The following IBA57 variants were observed in gnomAD, a reference collection of about 807,000 sequenced individuals.
IBA57 encodes the protein iron-sulfur cluster assembly factor IBA57, also known as iron-sulfur cluster assembly factor IBA57, mitochondrial.
In IBA57, 20 loss-of-function variants were observed where a neutral mutation model predicts 20.4. The ratio of observed to expected loss-of-function variants is 0.98; its 90% CI spans 0.69 to 1.42. The LOEUF (loss-of-function observed/expected upper bound fraction) is 1.42, where lower values mean the gene tolerates loss of function less well. Among genes scored for constraint, IBA57 ranks in the 40% most tolerant of loss-of-function variants. The probability of loss-of-function intolerance (pLI) is 0.00; values close to 1 mark genes in which losing one functional copy is unlikely to be tolerated. For missense variants in IBA57, 608 were observed against 499.3 expected (o/e 1.22, Z -2.07); for synonymous variants, 310 against 233.9 (o/e 1.33, Z -2.97).
intron 1 of IBA57, among the ~76,000 whole-genome samples, chr1:228,169,466 C>G (rs1371636322): frequency 6.6e-6 from 1 of 152,166 alleles, no homozygotes; most frequent in African/African-American, 2.4e-5. Flanking sequence ...GCAGAATGTG[C>G]AGAGATTTCC....
Position 228,175,804 on chromosome 1 carries a change from G to T in IBA57, c.*291G>T, listed in dbSNP as rs1406850884. On this transcript the variant is annotated 3_prime_UTR_variant, in exon 3 of 3. Transcript: ENST00000366711. ...CCCAATCGTGGCTCCACACAGGGTTGTCTGGGAGGACGGGACGGTGTCTCT... is the reference window on the plus strand; with the variant it reads ...CCCAATCGTGGCTCCACACAGGGTTTTCTGGGAGGACGGGACGGTGTCTCT... 3.1e-6 allele frequency: 1 copy of T among 327,388 alleles called. No individual in the cohort carries two copies. The highest frequency in any genetic ancestry group is 5.5e-5 in the East Asian group (1 of 18,288). 20.3% of individuals were successfully genotyped at this position (327,388 alleles called of 1,614,324 possible). A position where few individuals can be genotyped will look rare whatever the true frequency, so the allele number is the denominator to read the frequency against.
chr1:228,169,369 C>T (rs1007089088), intron 1 of IBA57, among the ~76,000 whole-genome samples: 1 of 152,186 alleles, frequency 6.6e-6, no homozygotes, highest in Non-Finnish European at 1.5e-5. Context: ...AATGTAGCAC[C>T]TTCTTTCAGA....
At chr1:228,169,889 CAG>C (rs1436358295) in intron 1 of IBA57, among the ~76,000 whole-genome samples, 2 of 151,666 alleles carry the variant, frequency 1.3e-5, no homozygotes, top group Non-Finnish European at 2.9e-5. Flanking sequence ...TTTTTTTAGA[CAG>C]AGTCTTGCTC....
In IBA57 at chr1:228,166,107, C is replaced by G; in HGVS notation, c.291C>G (p.Ala97=). 6.5e-7 allele frequency: 1 copy of G among 1,537,242 alleles called. No homozygotes were observed. The highest frequency in any genetic ancestry group is 2.5e-5 in the East Asian group (1 of 40,010). The change falls in exon 1 of 3, where the codon GCC becomes GCG. Residue 97 remains alanine, a synonymous_variant. Transcript: ENST00000366711. Reference sequence around the variant, plus strand: ...CGCCTGCTGCGCGCGCGGGCTACGCCCACTTCCTGAACGTGCAGGGCCGGA... The same window carrying G: ...CGCCTGCTGCGCGCGCGGGCTACGCGCACTTCCTGAACGTGCAGGGCCGGA... ...GAPPAARAGY[A]HFLNVQGRTL...
At chr1:228,169,655 A>G (rs951511359) in intron 1 of IBA57, among the ~76,000 whole-genome samples, 4 of 152,128 alleles carry the variant, frequency 2.6e-5, no homozygotes, top group Admixed American at 2.6e-4. Context: ...CATCACATAC[A>G]GTAGTGTCAC....
At chr1:228,168,402 T>C (rs1383886765) in intron 1 of IBA57, among the ~76,000 whole-genome samples, 1 of 152,184 alleles carries the variant, frequency 6.6e-6, no homozygotes, top group Non-Finnish European at 1.5e-5. Flanking sequence ...GAGTCAAAGC[T>C]TAAAGGTGGG....
Position 228,175,025 on chromosome 1 carries a change from G to T in IBA57, c.675G>T (p.Leu225=). The T allele has an allele frequency of 1.3e-6, 2 of 1,553,144 alleles. No individual in the cohort carries two copies. Among genetic ancestry groups the T allele is most frequent in the Non-Finnish European group, 1.7e-6 (2 of 1,146,456 alleles). Residue 225 remains leucine, a synonymous_variant, in exon 2 of 3, where the codon CTG becomes CTT. Transcript: ENST00000366711. ...DLWDYHQHRY[L]QGVPEGVRDL... is the part of the protein sequence containing the mutation. ...GGGATTATCACCAGCACCGATACCT[G>T]CAAGGTATGGGTGGGGTGGGCACGC...
Position 228,179,200 on chromosome 1 carries a change from C to G in IBA57, c.*3687C>G, listed in dbSNP as rs892716373. ...CCCAGCAGAAAGGCAGACAGAAGCA[C>G]ACACACCAATGTTCTGATCTTAGAG... On this transcript the variant is annotated 3_prime_UTR_variant, in exon 3 of 3. Coordinates refer to ENST00000366711, the MANE Select transcript of IBA57 (RefSeq NM_001010867.4). The G allele has an allele frequency of 6.6e-6, 1 of 151,790 alleles. No individual in the cohort carries two copies. Among genetic ancestry groups the G allele is most frequent in the African/African-American group, 2.4e-5 (1 of 41,244 alleles). 9.4% of individuals were successfully genotyped at this position (151,790 alleles called of 1,614,324 possible). A position where few individuals can be genotyped will look rare whatever the true frequency, so the allele number is the denominator to read the frequency against.
chr1:228,166,058 C>T lies in IBA57; in HGVS notation c.242C>T (p.Pro81Leu), dbSNP rs1447397894. 3.3e-6 allele frequency: 5 copies of T among 1,537,886 alleles called. No homozygotes were observed. Among genetic ancestry groups the T allele is most frequent in the Admixed American group, 3.9e-5 (2 of 50,832 alleles). ...CTGCTGACCAATGAACTGCCGCTTCCGAGTCCTGCGGCCGCGGGGGCCCCG... is the reference window on the plus strand; with the variant it reads ...CTGCTGACCAATGAACTGCCGCTTCTGAGTCCTGCGGCCGCGGGGGCCCCG... ...LGLLTNELPL[P>L]SPAAAGAPPA... The change falls in exon 1 of 3, where the codon CCG becomes CTG. Residue 81 changes from proline to leucine, a missense_variant. Pro to Leu is a moderately conservative substitution (Grantham distance 98, BLOSUM62 -3). Coordinates refer to ENST00000366711, the MANE Select transcript of IBA57 (RefSeq NM_001010867.4).
Position 228,165,918 on chromosome 1 carries a change from C to T in IBA57, c.102C>T (p.Ser34=). The T allele has an allele frequency of 2.7e-6, 4 of 1,480,928 alleles. No homozygotes were observed. 91.7% of individuals were successfully genotyped at this position (1,480,928 alleles called of 1,614,324 possible). ...CCCCAAGGTGCCGCCTGGCCCACAG[C>T]TCCTGCAGTCCTGGTGGCGACCCAA... ...RAAPRCRLAH[S]SCSPGGDPTA... The change falls in exon 1 of 3, where the codon AGC becomes AGT. Residue 34 remains serine (S), a synonymous_variant. Transcript: ENST00000366711.
At position 228,174,640 on chromosome 1, in the gene IBA57, C is replaced by G. The variant is rs941780030; in HGVS notation, c.342-52C>G. 3 of 1,451,578 alleles carry G rather than the reference C, an allele frequency of 2.1e-6. No homozygotes were observed. In the African/African-American group the frequency reaches 4.2e-5, roughly 20 times the overall value. 89.9% of individuals were successfully genotyped at this position (1,451,578 alleles called of 1,614,324 possible). On this transcript the variant is annotated intron_variant, in intron 1 of 2. Transcript: ENST00000366711. ...GGCGCGCTCCCTCATGCAGCCCTTT[C>G]TGGCCCACTCAGTTGGTGAGCTGCC...
chr1:228,166,177 G>T lies in IBA57; in HGVS notation c.341+20G>T. ...GTACGGGTGAGCGCGTGCTGGGAGG[G>T]CGCTCGGGGGCGGGCACCCAGGGGA... On this transcript the variant is annotated intron_variant, in intron 1 of 2. Coordinates refer to ENST00000366711, the MANE Select transcript of IBA57 (RefSeq NM_001010867.4). 2 of 1,420,432 alleles carry T rather than the reference G, an allele frequency of 1.4e-6. No homozygotes were observed. The highest frequency in any genetic ancestry group is 2.9e-5 in the East Asian group (1 of 34,578). The allele number at this position is 1,420,432 out of a possible 1,614,324, so 88.0% of individuals were successfully genotyped here.
intron 1 of IBA57, among the ~76,000 whole-genome samples, chr1:228,174,116 T>C (rs572958593): frequency 3.0e-4 from 45 of 149,948 alleles, no homozygotes; most frequent in South Asian, 1.9e-3. Flanking sequence ...GGTGTGGCTG[T>C]GGGCGTGGCT....
rs1225427088 is a variant in IBA57 at position 228,177,186 on chromosome 1, C to T, written c.*1673C>T. Reference sequence around the variant, plus strand: ...TCTCCTGCATGAGGGGCATGCACCCCTGGAATGAGGGTCTGTGCCTCGAGC... The same window carrying T: ...TCTCCTGCATGAGGGGCATGCACCCTTGGAATGAGGGTCTGTGCCTCGAGC... On this transcript the variant is annotated 3_prime_UTR_variant, in exon 3 of 3. Coordinates refer to ENST00000366711, the MANE Select transcript of IBA57 (RefSeq NM_001010867.4). The T allele has an allele frequency of 2.6e-5, 4 of 152,290 alleles. No individual in the cohort carries two copies. The highest frequency in any genetic ancestry group is 2.0e-4 in the Admixed American group (3 of 15,288). The allele number at this position is 152,290 out of a possible 1,614,324, so 9.4% of individuals were successfully genotyped here. A position where few individuals can be genotyped will look rare whatever the true frequency, so the allele number is the denominator to read the frequency against.
intron 1 of IBA57, chr1:228,172,617 G>A (rs540092214): frequency 1.3e-5 from 2 of 152,420 alleles, no homozygotes; most frequent in African/African-American, 4.8e-5. Flanking sequence ...TGCAGGTTTT[G>A]TGTGAGCTGC....
Position 228,178,826 on chromosome 1 carries a change from G to C in IBA57, c.*3313G>C, listed in dbSNP as rs2035066756. 1 of 152,222 alleles carries C rather than the reference G, an allele frequency of 6.6e-6. No homozygotes were observed. Among genetic ancestry groups the C allele is most frequent in the African/African-American group, 2.4e-5 (1 of 41,452 alleles). 9.4% of individuals were successfully genotyped at this position (152,222 alleles called of 1,614,324 possible). On this transcript the variant is annotated 3_prime_UTR_variant, in exon 3 of 3. Coordinates refer to ENST00000366711, the MANE Select transcript of IBA57 (RefSeq NM_001010867.4). ...CAAGCGCAGCCCGAGAGGAGAGGCA[G>C]GAGCCTGGGAGAGCCTCTGCTAGAC...
rs570439198 is a variant in IBA57, at chr1:228,180,876, C to G, written c.*5363C>G. On this transcript the variant is annotated 3_prime_UTR_variant, in exon 3 of 3. Transcript: ENST00000366711. ...TTCTCACTGCATTGCCCAGGCTGGT[C>G]TTGAATTTCTGGGCTCAGGTGATCT... 6.7e-6 allele frequency: 1 copy of G among 149,260 alleles called. No individual in the cohort carries two copies. Among genetic ancestry groups the G allele is most frequent in the South Asian group, 2.1e-4 (1 of 4,718 alleles). 9.2% of individuals were successfully genotyped at this position (149,260 alleles called of 1,614,324 possible).
Position 228,165,876 on chromosome 1 carries a change from C to G in IBA57, c.60C>G (p.Arg20=). 2 of 1,335,948 alleles carry G rather than the reference C, an allele frequency of 1.5e-6. No homozygotes were observed. The highest frequency in any genetic ancestry group is 3.1e-5 in the African/African-American group (2 of 65,072). 82.8% of individuals were successfully genotyped at this position (1,335,948 alleles called of 1,614,324 possible). A position where few individuals can be genotyped will look rare whatever the true frequency, so the allele number is the denominator to read the frequency against. ...CGGGGCGCGGCGGCCCGGTCTGGCG[C>G]TGGCGGCTGCGCGCGGCCCCAAGGT... The part of the protein sequence containing the change: ...ATPGRGGPVW[R]WRLRAAPRCR... The change falls in exon 1 of 3, where the codon CGC becomes CGG. Residue 20 remains arginine, a synonymous_variant. Transcript: ENST00000366711.
Position 228,165,997 on chromosome 1 carries a change from G to T in IBA57, c.181G>T (p.Val61Leu), listed in dbSNP as rs749924607. 2 of 1,528,204 alleles carry T rather than the reference G, an allele frequency of 1.3e-6. No individual in the cohort carries two copies. The highest frequency in any genetic ancestry group is 1.7e-6 in the Non-Finnish European group (2 of 1,145,028). 94.7% of individuals were successfully genotyped at this position (1,528,204 alleles called of 1,614,324 possible). ...FRLDGRTLLR[V>L]RGPDAAPFLL... The stretch of plus-strand genomic sequence containing the variant: ...GCTGGACGGGCGCACCCTGCTGCGC[G>T]TGCGTGGCCCCGACGCGGCGCCCTT... Residue 61 changes from valine (V) to leucine (L), a missense_variant, in exon 1 of 3, where the codon GTG becomes TTG. By Grantham distance (32) the Val-to-Leu change is conservative. Transcript: ENST00000366711.
Sources: allele counts gnomAD v4.1 joint callset (sites outside exome capture counted in the v4.1 genomes callset), GRCh38; gene constraint gnomAD v4.1.1; transcripts MANE v1.5; gene names NCBI Gene and HGNC (gene_info 2026-07-23, HGNC 2026-07-21).